Variants in HERC2 observed in about 807,000 individuals in gnomAD.
HERC2 encodes the protein HECT and RLD domain containing E3 ubiquitin protein ligase 2, also known as E3 ubiquitin-protein ligase HERC2.
A neutral mutation model predicts 537.7 loss-of-function variants in HERC2; 102 were observed. The ratio of observed to expected loss-of-function variants is 0.19; its 90% CI spans 0.16 to 0.22. HERC2 has a LOEUF of 0.22. HERC2 is among the 10% of genes least tolerant of loss of function. The probability of loss-of-function intolerance (pLI) is 1.00; values close to 1 mark genes in which losing one functional copy is unlikely to be tolerated. For synonymous variants in HERC2, 2,224 were observed against 2,466.2 expected (o/e 0.90, Z 2.91); for missense variants, 4,236 against 6,198.2 (o/e 0.68, Z 10.63).
chr15:28,298,005 T>TTGTGTGTGTGTGTGTGTG (rs373425948), intron 3 of HERC2, among the ~76,000 whole-genome samples: 2 of 130,614 alleles, frequency 1.5e-5, no homozygotes, highest in East Asian at 5.2e-4. Flanking sequence ...CTGTCAGTTA[T>TTGTGTGTGTGTGTGTGTG]TGTGTGTGTG....
In HERC2 at chr15:28,238,147, G is replaced by A. The variant is rs1902659617; in HGVS notation, c.3819C>T (p.Ser1273=). 3 of 1,611,782 alleles carry A rather than the reference G, an allele frequency of 1.9e-6. No homozygotes were observed. The highest frequency in any genetic ancestry group is 1.3e-5 in the African/African-American group (1 of 74,838). The change falls in exon 25 of 93, where the codon TCC becomes TCT. Residue 1273 remains serine (S), a synonymous_variant. Coordinates refer to ENST00000261609, the MANE Select transcript of HERC2 (RefSeq NM_004667.6). ...ACTGGCCAACACAAAACGCGTGCAT[G>A]GATTCCCGGGTGTCTTCAAACTGCA... ...AALQFEDTRE[S]MHAFCVGQYL... is the part of the protein sequence containing the mutation.
chr15:28,223,445 G>A (rs1169070909), intron 35 of HERC2, among the ~76,000 whole-genome samples: 1 of 152,114 alleles, frequency 6.6e-6, no homozygotes, highest in Non-Finnish European at 1.5e-5. Context: ...TCAATTCCCA[G>A]GGCTGGAGCA....
intron 14 of HERC2, among the ~76,000 whole-genome samples, chr15:28,263,588 T>C (rs2075472006): frequency 7.1e-6 from 1 of 141,748 alleles, no homozygotes; most frequent in South Asian, 2.2e-4. Context: ...TACCACTGTA[T>C]GTGTTCCCAA....
intron 4 of HERC2, among the ~76,000 whole-genome samples, chr15:28,290,861 G>C (rs1420188186): frequency 6.6e-6 from 1 of 152,000 alleles, no homozygotes; most frequent in Non-Finnish European, 1.5e-5. Context: ...TGTTAGAAAA[G>C]ACAAAAAATC....
At chr15:28,245,323 G>A (rs1184057976) in intron 23 of HERC2, among the ~76,000 whole-genome samples, 1 of 151,996 alleles carries the variant, frequency 6.6e-6, no homozygotes, top group Admixed American at 6.5e-5. Flanking sequence ...GAGGCGGGTG[G>A]ATCACTTGAG....
At chr15:28,179,370 C>T (rs1895609857) in intron 57 of HERC2, 147 bp from the exon 58 acceptor site, 5 of 681,760 alleles carry the variant, frequency 7.3e-6, no homozygotes, top group Non-Finnish European at 1.0e-5. Flanking sequence ...TATACGATGG[C>T]AGTCCCAGTA....
At chr15:28,137,627 G>A (rs961088945) in intron 78 of HERC2, among the ~76,000 whole-genome samples, 1 of 152,192 alleles carries the variant, frequency 6.6e-6, no homozygotes, top group African/African-American at 2.4e-5. Flanking sequence ...GAACTTAAAC[G>A]ATAAATGTGT....
At chr15:28,204,275 G>A (rs575202221) in intron 45 of HERC2, among the ~76,000 whole-genome samples, 2 of 152,296 alleles carry the variant, frequency 1.3e-5, no homozygotes, top group Admixed American at 6.5e-5. Flanking sequence ...GTTAGAATTA[G>A]CAAACAAGAA....
At chr15:28,267,400 A>G (rs2075598220) in intron 12 of HERC2, among the ~76,000 whole-genome samples, 1 of 152,208 alleles carries the variant, frequency 6.6e-6, no homozygotes, top group Non-Finnish European at 1.5e-5. Context: ...TTACTATGAA[A>G]TATTTTATAG....
At chr15:28,269,766 A>G (rs1258362528) in intron 10 of HERC2, among the ~76,000 whole-genome samples, 2 of 152,252 alleles carry the variant, frequency 1.3e-5, no homozygotes, top group Non-Finnish European at 2.9e-5. Context: ...CAAAATCCCA[A>G]AAGCCCACAC....
At position 28,220,464 on chromosome 15, in the gene HERC2, C is replaced by G. The variant is rs1377640244; in HGVS notation, c.5833G>C (p.Glu1945Gln). The G allele has an allele frequency of 2.5e-6, 4 of 1,606,744 alleles. No individual in the cohort carries two copies. Among genetic ancestry groups the G allele is most frequent in the Non-Finnish European group, 3.4e-6 (4 of 1,179,794 alleles). Reference sequence around the variant, plus strand: ...CTGAGTCACCCACCAGAGTCATCCTCTGTGTCCGAATCCTCTGCTGAGGGC... The same window carrying G: ...CTGAGTCACCCACCAGAGTCATCCTGTGTGTCCGAATCCTCTGCTGAGGGC... ...AQPSAEDSDT[E>Q]DDSEAEQTER... The change falls in exon 37 of 93, where the codon GAG becomes CAG. Residue 1945 changes from glutamate to glutamine, a missense_variant. By Grantham distance (29) the Glu-to-Gln change is conservative. This residue lies in a region of HERC2 where 365 missense variants were observed against 468.8 expected (regional missense o/e 0.78). Coordinates refer to ENST00000261609, the MANE Select transcript of HERC2 (RefSeq NM_004667.6).
chr15:28,142,016 T>C (rs1246985208), intron 76 of HERC2, among the ~76,000 whole-genome samples, 170 bp from the exon 77 acceptor site: 1 of 152,204 alleles, frequency 6.6e-6, no homozygotes, highest in African/African-American at 2.4e-5. Flanking sequence ...GTCTAACATA[T>C]TAGAAATGTC....
intron 70 of HERC2, among the ~76,000 whole-genome samples, chr15:28,146,968 C>G (rs374629722): frequency 7.5e-6 from 1 of 132,464 alleles, no homozygotes; most frequent in Non-Finnish European, 1.6e-5. Context: ...ACAGGGTTGA[C>G]AGGCTTGGAC....
chr15:28,266,302 G>A (rs927709239), intron 12 of HERC2, among the ~76,000 whole-genome samples: 1 of 152,148 alleles, frequency 6.6e-6, no homozygotes, highest in African/African-American at 2.4e-5. Flanking sequence ...GATCACCTGA[G>A]GTCACGAGTT....
intron 35 of HERC2, 144 bp downstream of exon 35, chr15:28,228,074 G>A (rs1901410667): frequency 1.4e-6 from 1 of 720,886 alleles, no homozygotes; most frequent in Admixed American, 2.8e-5. Context: ...GCTGAATTGT[G>A]ACGTTAAAAT....
chr15:28,186,592 T>A lies in HERC2; in HGVS notation c.8810A>T (p.Lys2937Ile), dbSNP rs1896332300. 1 of 1,613,966 alleles carries A rather than the reference T, an allele frequency of 6.2e-7. No homozygotes were observed. Among genetic ancestry groups the A allele is most frequent in the Non-Finnish European group, 8.5e-7 (1 of 1,179,954 alleles). Reference protein sequence around the residue: ...ASDNEEEEDEKGNSGSLIRKK... With the variant: ...ASDNEEEEDEIGNSGSLIRKK... ...TGGTTCTCACCTTCCGCTGTTGCCTTTCTCATCCTCCTCCTCTTCATTATC... is the reference window on the plus strand; with the variant it reads ...TGGTTCTCACCTTCCGCTGTTGCCTATCTCATCCTCCTCCTCTTCATTATC... Residue 2937 changes from lysine to isoleucine, a missense_variant, in exon 56 of 93, where the codon AAA (lysine) becomes ATA (isoleucine). Coordinates refer to ENST00000261609, the MANE Select transcript of HERC2 (RefSeq NM_004667.6).
chr15:28,195,343 C>G (rs149972439), intron 52 of HERC2, among the ~76,000 whole-genome samples: 73 of 152,100 alleles, frequency 4.8e-4, no homozygotes, highest in Admixed American at 1.2e-3. Flanking sequence ...GGCCTGTAAT[C>G]CCAGCTACTC....
intron 14 of HERC2, among the ~76,000 whole-genome samples, chr15:28,264,290 C>T (rs138928794): frequency 1.3e-5 from 2 of 152,286 alleles, no homozygotes; most frequent in Non-Finnish European, 2.9e-5. Flanking sequence ...AAATGAGTGG[C>T]ATGCCTGCAT....
Position 28,177,463 on chromosome 15 carries a change from C to T in HERC2, c.9210G>A (p.Ser3070=), listed in dbSNP as rs61756153. 114,293 of 1,614,080 alleles carry T rather than the reference C, an allele frequency of 0.071. 9,327 individuals are homozygous for T. The highest frequency in any genetic ancestry group is 0.42 in the East Asian group (18,873 of 44,860). ...TALTVDGKVF[S]WGEGDDGKLG... ...GTTTTCCATCGTCACCTTCGCCCCA[C>T]GAAAACACTTTTCCATCGACAGTTA... Residue 3070 remains serine (S), a synonymous_variant, in exon 60 of 93, where the codon TCG becomes TCA. Transcript: ENST00000261609. This position sits in a 1 kb window ranked among gnomAD's most constrained non-coding sequence, Gnocchi z 5.0.
Sources: allele counts gnomAD v4.1 joint callset (sites outside exome capture counted in the v4.1 genomes callset), GRCh38; gene constraint gnomAD v4.1.1; regional missense constraint gnomAD v4.1.1; non-coding constraint Gnocchi (gnomAD v3.1); transcripts MANE v1.5; gene names NCBI Gene and HGNC (gene_info 2026-07-23, HGNC 2026-07-21).